BDP1: variants seen among roughly 807,000 people sequenced by gnomAD.
BDP1 encodes the protein transcription factor TFIIIB component B'' homolog.
BDP1 carries 169 observed loss-of-function variants against 266.6 expected under a neutral mutation model. That is an observed-to-expected ratio of 0.63 (90% CI 0.56 to 0.72). The LOEUF (loss-of-function observed/expected upper bound fraction) is 0.72. Ranked by LOEUF, BDP1 falls within the 30% of genes least tolerant of loss-of-function variation. BDP1 has a pLI of 0.00. For missense variants in BDP1, 3,015 were observed against 3,053.8 expected (o/e 0.99, Z 0.30); for synonymous variants, 1,090 against 1,022.4 (o/e 1.07, Z -1.26).
chr5:71,567,855 G>T (rs886460418), downstream of BDP1: 1 of 152,084 alleles, frequency 6.6e-6, no homozygotes, highest in Non-Finnish European at 1.5e-5. Flanking sequence ...ACTAAATAAA[G>T]AATTGGCTGG....
At chr5:71,558,838 A>C (rs528267445) in intron 36 of BDP1, among the ~76,000 whole-genome samples, 261 of 150,100 alleles carry the variant, frequency 1.7e-3, no homozygotes, top group African/African-American at 5.6e-3. Context: ...AAAACAAAAA[A>C]AAAAAACAAC....
At position 71,524,106 on chromosome 5, in the gene BDP1, A is replaced by G. The variant is rs1162452610; in HGVS notation, c.5555A>G (p.Lys1852Arg). The G allele has an allele frequency of 6.2e-7, 1 of 1,614,226 alleles. No homozygotes were observed. Among genetic ancestry groups the G allele is most frequent in the Non-Finnish European group, 8.5e-7 (1 of 1,180,050 alleles). The change falls in exon 25 of 39, where the codon AAG becomes AGG. Residue 1852 changes from lysine (K) to arginine (R), a missense_variant. Around this residue, in one of 3 missense-constraint regions of BDP1, gnomAD observed 2,383 missense variants for 2,404.9 expected, o/e 0.99. Coordinates refer to ENST00000358731, the MANE Select transcript of BDP1 (RefSeq NM_018429.3). ...CGTGGATCAAAACGAGTTCGGGGTA[A>G]GACCTCTAAGAAGGAACCTAGAGCT... ...RGRGSKRVRG[K>R]TSKKEPRASK...
At chr5:71,460,073 A>G (rs1357102117) in intron 2 of BDP1, among the ~76,000 whole-genome samples, 1 of 152,214 alleles carries the variant, frequency 6.6e-6, no homozygotes, top group Admixed American at 6.5e-5. Flanking sequence ...CAATACATGT[A>G]AAACACACTT....
chr5:71,464,970 G>A (rs1761815248), intron 4 of BDP1, among the ~76,000 whole-genome samples: 1 of 151,958 alleles, frequency 6.6e-6, no homozygotes. Flanking sequence ...GCCCGCCTCG[G>A]CCTCCCAAAG....
At chr5:71,572,435 A>G (rs1413932327), downstream of BDP1, among the ~76,000 whole-genome samples, 1 of 152,218 alleles carries the variant, frequency 6.6e-6, no homozygotes, top group African/African-American at 2.4e-5. Flanking sequence ...CTGCTAGAGC[A>G]GAGGAACTGA....
At chr5:71,485,784 A>G (rs1487818725) in intron 8 of BDP1, among the ~76,000 whole-genome samples, 1 of 152,208 alleles carries the variant, frequency 6.6e-6, no homozygotes, top group Admixed American at 6.5e-5. Flanking sequence ...ATAAGAGTAA[A>G]TGGTGAAATG....
rs1165596470 is a variant in BDP1 at position 71,495,351 on chromosome 5, A to G, written c.1742A>G (p.Asn581Ser). 6.2e-7 allele frequency: 1 copy of G among 1,604,124 alleles called. No homozygotes were observed. Among genetic ancestry groups the G allele is most frequent in the Non-Finnish European group, 8.5e-7 (1 of 1,174,354 alleles). The change falls in exon 12 of 39, where the codon AAT becomes AGT. Residue 581 changes from asparagine to serine, a missense_variant. Transcript: ENST00000358731. Reference protein sequence around the residue: ...EVGIRALCEVNNAEGSCIEER... With the variant: ...EVGIRALCEVSNAEGSCIEER... ...GGAATTAGAGCATTGTGTGAGGTGA[A>G]TAATGCTGAGGGTAGTTGTATAGAA...
chr5:71,526,248 C>G (rs890833784), intron 25 of BDP1, among the ~76,000 whole-genome samples: 51 of 151,420 alleles, frequency 3.4e-4, no homozygotes, highest in Non-Finnish European at 2.2e-4. Context: ...ACCAGCCCAG[C>G]CAACCTCTGA....
intron 25 of BDP1, among the ~76,000 whole-genome samples, chr5:71,528,218 A>C (rs1386580881): frequency 6.6e-6 from 1 of 152,188 alleles, no homozygotes; most frequent in African/African-American, 2.4e-5. Flanking sequence ...ACAGTGTACA[A>C]GCATTGCAGT....
At chr5:71,546,635 A>C (rs1285318807) in intron 32 of BDP1, among the ~76,000 whole-genome samples, 2 of 151,164 alleles carry the variant, frequency 1.3e-5, no homozygotes, top group Admixed American at 1.3e-4. Context: ...AAAAAAAAAA[A>C]AAAAAAAAAA....
chr5:71,555,383 C>T (rs559569596), intron 35 of BDP1, among the ~76,000 whole-genome samples: 26 of 151,264 alleles, frequency 1.7e-4, no homozygotes, highest in Non-Finnish European at 3.5e-4. Context: ...TGTTGATTCA[C>T]CTATTTGTTC....
At chr5:71,460,911 G>A (rs1323778805) in intron 2 of BDP1, among the ~76,000 whole-genome samples, 1 of 152,088 alleles carries the variant, frequency 6.6e-6, no homozygotes, top group Non-Finnish European at 1.5e-5. Flanking sequence ...TTCTCAGTGA[G>A]CTATTAAGAT....
intron 34 of BDP1, among the ~76,000 whole-genome samples, chr5:71,551,210 TAAAC>T (rs1173854467): frequency 1.3e-5 from 2 of 152,118 alleles, no homozygotes; most frequent in Non-Finnish European, 2.9e-5. Flanking sequence ...GGTCAGCAGA[TAAAC>T]AAGTGAACAA....
chr5:71,511,604 G>A (rs1366884482), intron 17 of BDP1, among the ~76,000 whole-genome samples: 1 of 152,146 alleles, frequency 6.6e-6, no homozygotes, highest in Non-Finnish European at 1.5e-5. Context: ...CTGTGATTGT[G>A]CCATTGTACT....
downstream of BDP1, among the ~76,000 whole-genome samples, chr5:71,568,069 G>C (rs140568982): frequency 1.0e-3 from 155 of 152,262 alleles, no homozygotes; most frequent in African/African-American, 3.5e-3. Flanking sequence ...TTGAGCCCAG[G>C]AGGAGGTTGA....
chr5:71,567,267 C>A lies in BDP1; in HGVS notation c.*2382C>A, dbSNP rs1457754369. ...TAATATTAGTTTTTAACTTTAACAT[C>A]TGTTTCTTTTTAATCTATAATGAGC... On this transcript the variant is annotated 3_prime_UTR_variant, in exon 39 of 39. Transcript: ENST00000358731. 1 of 152,102 alleles carries A rather than the reference C, an allele frequency of 6.6e-6. No homozygotes were observed. Among genetic ancestry groups the A allele is most frequent in the African/African-American group, 2.4e-5 (1 of 41,414 alleles). The allele number at this position is 152,102 out of a possible 1,614,324, so 9.4% of individuals were successfully genotyped here. A position where few individuals can be genotyped will look rare whatever the true frequency, so the allele number is the denominator to read the frequency against.
In BDP1 at chr5:71,470,474, A is replaced by G. The variant is rs758165248; in HGVS notation, c.999A>G (p.Ala333=). The G allele has an allele frequency of 3.1e-6, 5 of 1,609,032 alleles. No homozygotes were observed. Among genetic ancestry groups the G allele is most frequent in the Non-Finnish European group, 4.3e-6 (5 of 1,176,452 alleles). Residue 333 remains alanine (A), a synonymous_variant, in exon 7 of 39, where the codon GCA becomes GCG. Transcript: ENST00000358731. ...SMIGQLFPHR[A]RIEIKNKFKR... ...TCGGACAACTTTTTCCTCACAGAGC[A>G]AGGATAGAAATTAAGGTAAAGTAAA...
chr5:71,536,850 C>G (rs764513701), intron 26 of BDP1, among the ~76,000 whole-genome samples: 13 of 151,830 alleles, frequency 8.6e-5, no homozygotes, highest in Non-Finnish European at 1.5e-4. Context: ...TGAACCAGGT[C>G]GAGCGCGTTG....
chr5:71,466,740 G>A (rs866690451), intron 5 of BDP1, among the ~76,000 whole-genome samples: 43 of 151,856 alleles, frequency 2.8e-4, no homozygotes, highest in African/African-American at 1.0e-3. Flanking sequence ...GAATTTAGTT[G>A]TCTTAAGGGT....
Sources: gnomAD v4.1 joint callset for allele counts (sites outside exome capture counted in the v4.1 genomes callset) on GRCh38, gnomAD v4.1.1 for gene constraint, gnomAD v4.1.1 regional missense constraint, MANE v1.5 for transcripts, NCBI Gene and HGNC (gene_info 2026-07-23, HGNC 2026-07-21) for gene names.